Variants in DNAH11 observed in about 807,000 individuals in gnomAD.
The protein encoded by DNAH11 is axonemal beta dynein heavy chain 11.
A neutral mutation model predicts 526.0 loss-of-function variants in DNAH11; 442 were observed. The observed-to-expected ratio is 0.84, with a 90% CI of 0.78 to 0.91. The LOEUF (loss-of-function observed/expected upper bound fraction) is 0.91. DNAH11 is among the 40% of genes least tolerant of loss of function. DNAH11 has a pLI of 0.00. For missense variants in DNAH11, 6,989 were observed against 5,448.7 expected (o/e 1.28, Z -8.90); for synonymous variants, 2,461 against 1,935.9 (o/e 1.27, Z -7.12).
intron 73 of DNAH11, 94 bp from the exon 74 acceptor site, chr7:21,873,180 G>A: frequency 3.5e-6 from 4 of 1,139,940 alleles, no homozygotes; most frequent in Non-Finnish European, 5.0e-6. Context: ...GGTTCTCTGA[G>A]TTTTCAGTGC....
chr7:21,608,974 T>C (rs1029166348), intron 20 of DNAH11, among the ~76,000 whole-genome samples: 2 of 152,146 alleles, frequency 1.3e-5, no homozygotes, highest in African/African-American at 4.8e-5. Context: ...GAAAGGCATA[T>C]GTATTATTGT....
At chr7:21,636,187 T>C (rs1786855864) in intron 26 of DNAH11, 92 bp downstream of exon 26, 2 of 1,131,740 alleles carry the variant, frequency 1.8e-6, no homozygotes, top group South Asian at 3.4e-5. Flanking sequence ...AATGCATTTT[T>C]GCATGAGTAA....
At chr7:21,577,224 AAAG>A (rs1347909918) in intron 8 of DNAH11, among the ~76,000 whole-genome samples, 2 of 152,198 alleles carry the variant, frequency 1.3e-5, no homozygotes, top group Non-Finnish European at 2.9e-5. Context: ...GCTTAACACA[AAAG>A]AAGATTTGTA....
rs567135643 is a variant in DNAH11, at chr7:21,803,768, G to A, written c.10165+2493G>A. On this transcript the variant is annotated intron_variant, in intron 62 of 81. Coordinates refer to ENST00000409508, the MANE Select transcript of DNAH11 (RefSeq NM_001277115.2). ...ATGGGGCTGTCATCATTGAAGTCTG[G>A]AAAAGTGGGGAATGGGGCTGTCATC... Among the ~76,000 whole-genome samples the A allele has an allele frequency of 1.5e-3, 223 of 150,466 alleles. 2 individuals carry two copies. Among genetic ancestry groups the A allele is most frequent in the African/African-American group, 5.2e-3 (212 of 40,516 alleles).
At chr7:21,565,367 G>A (rs1331824872) in intron 6 of DNAH11, among the ~76,000 whole-genome samples, 1 of 152,046 alleles carries the variant, frequency 6.6e-6, no homozygotes, top group African/African-American at 2.4e-5. Flanking sequence ...AGTCACATTG[G>A]GAGTTAGGCT....
intron 15 of DNAH11, 104 bp downstream of exon 15, chr7:21,600,223 G>T: frequency 2.0e-6 from 2 of 1,016,836 alleles, no homozygotes; most frequent in Non-Finnish European, 2.7e-6. Context: ...ACTTTGGGAG[G>T]CTGAGGCAAG....
At chr7:21,899,581 AC>A in intron 80 of DNAH11, 133 bp downstream of exon 80, 1 of 741,696 alleles carries the variant, frequency 1.3e-6, no homozygotes, top group Non-Finnish European at 2.2e-6. Flanking sequence ...TATAGAAAGG[AC>A]CAGCAGCTAT....
Position 21,867,786 on chromosome 7 carries a change from A to C in DNAH11, c.11691-73A>C, listed in dbSNP as rs368686346. ...CTTCTATCGTGTGCCTGTGTGGTTT[A>C]AGCTTATCCAAATGGTGACTCTTTT... On this transcript the variant is annotated intron_variant, in intron 71 of 81. Transcript: ENST00000409508. 195 of 1,434,390 alleles carry C rather than the reference A, an allele frequency of 1.4e-4. No homozygotes were observed. In the African/African-American group the frequency reaches 2.5e-3, roughly 18 times the overall value. The allele number at this position is 1,434,390 out of a possible 1,614,324, so 88.9% of individuals were successfully genotyped here. A position where few individuals can be genotyped will look rare whatever the true frequency, so the allele number is the denominator to read the frequency against.
chr7:21,864,535 A>G lies in DNAH11; in HGVS notation c.11374A>G (p.Ile3792Val), dbSNP rs201700629. 209 of 1,610,808 alleles carry G rather than the reference A, an allele frequency of 1.3e-4. 1 individual carries two copies. The African/African-American group carries it at 2.4e-3, about 19-fold the overall frequency. The change falls in exon 70 of 82, where the codon ATT (isoleucine) becomes GTT (valine). Residue 3792 changes from isoleucine (I) to valine (V), a missense_variant and splice_region_variant. By Grantham distance (29) the Ile-to-Val change is conservative. Transcript: ENST00000409508. ...CTTTTCAATTTTGTCTACTCTCAAG[A>G]TTTTGTTGAGAAAGAAAGAGATAGA... ...LTFLSQMAFQ[I>V]LLRKKEIDPL... is the part of the protein sequence containing the mutation.
intron 29 of DNAH11, among the ~76,000 whole-genome samples, chr7:21,658,032 T>A (rs899987069): frequency 6.6e-6 from 1 of 152,162 alleles, no homozygotes. Flanking sequence ...GCAAATAATA[T>A]ATGTATCACT....
intron 45 of DNAH11, among the ~76,000 whole-genome samples, chr7:21,726,822 C>G (rs540143057): frequency 0.012 from 1,127 of 90,460 alleles, 26 homozygotes; most frequent in African/African-American, 0.048. Flanking sequence ...GATCGCGCCA[C>G]TGCACTCCAG....
intron 26 of DNAH11, 38 bp from the exon 27 acceptor site, chr7:21,637,573 T>C (rs1275201485): frequency 1.6e-6 from 2 of 1,270,886 alleles, no homozygotes; most frequent in South Asian, 1.3e-5. Context: ...GAAAAGATTG[T>C]TCTAATATCC....
intron 65 of DNAH11, among the ~76,000 whole-genome samples, chr7:21,840,629 A>G (rs1174321301): frequency 6.6e-6 from 1 of 152,146 alleles, no homozygotes; most frequent in East Asian, 1.9e-4. Context: ...CTAGATCCTC[A>G]TAGCAGGTTC....
In DNAH11 at chr7:21,681,663, C is replaced by A. The variant is rs112892548; in HGVS notation, c.5446C>A (p.Leu1816Ile). 1.9e-5 allele frequency: 30 copies of A among 1,613,888 alleles called. No individual in the cohort carries two copies. The African/African-American group carries it at 2.5e-4, about 14-fold the overall frequency. The change falls in exon 31 of 82, where the codon CTT (leucine) becomes ATT (isoleucine). Residue 1816 changes from leucine to isoleucine, a missense_variant. Coordinates refer to ENST00000409508, the MANE Select transcript of DNAH11 (RefSeq NM_001277115.2). ...CCATGCCAGAGACGTGGTGGCAAAACTTATTTCTCAGAAGGCAAGTTGTTT... is the reference window on the plus strand; with the variant it reads ...CCATGCCAGAGACGTGGTGGCAAAAATTATTTCTCAGAAGGCAAGTTGTTT... The part of the protein sequence containing the change: ...DVHARDVVAK[L>I]ISQKVVSPQA...
intron 20 of DNAH11, among the ~76,000 whole-genome samples, chr7:21,613,209 T>C (rs1053857046): frequency 5.0e-4 from 76 of 152,316 alleles, no homozygotes; most frequent in African/African-American, 1.8e-3. Flanking sequence ...AAATATCAAT[T>C]GAAATGTGAT....
At position 21,601,190 on chromosome 7, in the gene DNAH11, A is replaced by C. The variant is rs752727033; in HGVS notation, c.3425+11A>C. The C allele has an allele frequency of 1.3e-6, 2 of 1,580,840 alleles. No homozygotes were observed. Among genetic ancestry groups the C allele is most frequent in the East Asian group, 2.2e-5 (1 of 44,628 alleles). ...ATTTGTCATTGACAGGTAGCCTTTT[A>C]CTTTGGTTTTTGGAATTATAACTTT... On this transcript the variant is annotated intron_variant, in intron 17 of 81. Transcript: ENST00000409508.
At chr7:21,806,904 A>G (rs1789286083) in intron 62 of DNAH11, among the ~76,000 whole-genome samples, 2 of 152,160 alleles carry the variant, frequency 1.3e-5, no homozygotes, top group African/African-American at 4.8e-5. Flanking sequence ...CTTGGGGAGT[A>G]TTGTGAAGTC....
At chr7:21,596,657 T>C (rs946949484) in intron 14 of DNAH11, among the ~76,000 whole-genome samples, 5 of 152,188 alleles carry the variant, frequency 3.3e-5, no homozygotes, top group African/African-American at 1.2e-4. Context: ...TGAAAATGCA[T>C]TAAAAGTATG....
intron 68 of DNAH11, among the ~76,000 whole-genome samples, chr7:21,856,550 C>A (rs1007205020): frequency 3.9e-5 from 6 of 152,096 alleles, no homozygotes; most frequent in Non-Finnish European, 8.8e-5. Context: ...ACTGGGCAGT[C>A]CCCCCTTGTA....
Sources: allele counts gnomAD v4.1 joint callset (sites outside exome capture counted in the v4.1 genomes callset), GRCh38; gene constraint gnomAD v4.1.1; transcripts MANE v1.5; gene names NCBI Gene and HGNC (gene_info 2026-07-23, HGNC 2026-07-21).